KLKB1: variants seen among roughly 807,000 people sequenced by gnomAD.
The protein encoded by KLKB1 is plasma kallikrein.
KLKB1 carries 58 observed loss-of-function variants against 73.6 expected under a neutral mutation model. The ratio of observed to expected loss-of-function variants is 0.79; its 90% CI spans 0.64 to 0.98. KLKB1 has a LOEUF of 0.98. KLKB1 is among the 50% of genes least tolerant of loss of function. The pLI, the probability that KLKB1 is intolerant of heterozygous loss-of-function variation, is 0.00. For synonymous variants in KLKB1, 280 were observed against 258.1 expected (o/e 1.08, Z -0.81); for missense variants, 737 against 763.8 (o/e 0.96, Z 0.41).
At chr4:186,257,766 TG>T (rs1739088590) in intron 14 of KLKB1, among the ~76,000 whole-genome samples, 2 of 151,866 alleles carry the variant, frequency 1.3e-5, no homozygotes, top group Non-Finnish European at 2.9e-5. Flanking sequence ...TGTGTGTGTG[TG>T]TGTGTGTGTG....
chr4:186,247,739 T>C (rs1374466937), intron 6 of KLKB1, among the ~76,000 whole-genome samples: 1 of 152,228 alleles, frequency 6.6e-6, no homozygotes, highest in East Asian at 1.9e-4. Context: ...ATATAAATAA[T>C]GTGTCTGTTT....
chr4:186,232,132 C>T lies in KLKB1; in HGVS notation c.64C>T (p.Leu22=). 1 of 1,606,612 alleles carries T rather than the reference C, an allele frequency of 6.2e-7. No individual in the cohort carries two copies. The highest frequency in any genetic ancestry group is 1.1e-5 in the South Asian group (1 of 89,582). Residue 22 remains leucine (L), a synonymous_variant, in exon 3 of 15, where the codon CTG becomes TTG. Coordinates refer to ENST00000264690, the MANE Select transcript of KLKB1 (RefSeq NM_000892.5). The stretch of plus-strand genomic sequence containing the variant: ...TTTTTATGGTTCTGTCACAGGATGT[C>T]TGACTCAACTCTATGAAAACGCCTT... ...SLFATVSCGC[L]TQLYENAFFR... is the part of the protein sequence containing the mutation.
chr4:186,216,082 A>T (rs1185387943), intron 2 of KLKB1, among the ~76,000 whole-genome samples: 1 of 152,206 alleles, frequency 6.6e-6, no homozygotes, highest in Non-Finnish European at 1.5e-5. Flanking sequence ...AATTCATCCA[A>T]CAATCATTTT....
chr4:186,250,584 A>C (rs929668705), intron 7 of KLKB1, among the ~76,000 whole-genome samples, 182 bp downstream of exon 7: 5 of 152,242 alleles, frequency 3.3e-5, no homozygotes, highest in African/African-American at 1.2e-4. Flanking sequence ...AGAGATTAGC[A>C]GACTTCTCTG....
chr4:186,245,222 G>A (rs1424163268), intron 6 of KLKB1, among the ~76,000 whole-genome samples: 1 of 152,214 alleles, frequency 6.6e-6, no homozygotes, highest in Admixed American at 6.5e-5. Flanking sequence ...ATGGAGGCAA[G>A]GGAAACAGGC....
At position 186,258,413 on chromosome 4, in the gene KLKB1, C is replaced by G. The variant is rs930468067; in HGVS notation, c.*201C>G. 1.6e-6 allele frequency: 1 copy of G among 632,288 alleles called. No individual in the cohort carries two copies. The highest frequency in any genetic ancestry group is 2.4e-5 in the Admixed American group (1 of 42,238). 39.2% of individuals were successfully genotyped at this position (632,288 alleles called of 1,614,324 possible). A position where few individuals can be genotyped will look rare whatever the true frequency, so the allele number is the denominator to read the frequency against. On this transcript the variant is annotated 3_prime_UTR_variant, in exon 15 of 15. Coordinates refer to ENST00000264690, the MANE Select transcript of KLKB1 (RefSeq NM_000892.5). ...ACGCCGTAACCAGGGGCTGACAATG[C>G]GAGGTCGCAACTGAGATCTCCATGA...
At position 186,236,893 on chromosome 4, in the gene KLKB1, C is replaced by G; in HGVS notation, c.441C>G (p.Cys147Trp). The G allele has an allele frequency of 6.2e-7, 1 of 1,613,960 alleles. No homozygotes were observed. Residue 147 changes from cysteine (C) to tryptophan (W), a missense_variant, in exon 5 of 15, where the codon TGC becomes TGG. Transcript: ENST00000264690. ...AAAGGTGCACCAGTAACATTCGCTGCCAGTTTTTTTCATATGCCACGCAAA... is the reference window on the plus strand; with the variant it reads ...AAAGGTGCACCAGTAACATTCGCTGGCAGTTTTTTTCATATGCCACGCAAA... ...CQKRCTSNIRCQFFSYATQTF... is the reference protein window; with the variant it reads ...CQKRCTSNIRWQFFSYATQTF...
At position 186,236,925 on chromosome 4, in the gene KLKB1, A is replaced by G. The variant is rs762914256; in HGVS notation, c.473A>G (p.His158Arg). The G allele has an allele frequency of 1.2e-6, 2 of 1,614,018 alleles. No individual in the cohort carries two copies. Among genetic ancestry groups the G allele is most frequent in the East Asian group, 4.5e-5 (2 of 44,888 alleles). ...QFFSYATQTF[H>R]KAEYRNNCLL... ...TTTTCATATGCCACGCAAACATTTCACAAGGCAGAGTACCGGTGAGTACAA... is the reference window on the plus strand; with the variant it reads ...TTTTCATATGCCACGCAAACATTTCGCAAGGCAGAGTACCGGTGAGTACAA... The change falls in exon 5 of 15, where the codon CAC becomes CGC. Residue 158 changes from histidine to arginine, a missense_variant. By Grantham distance (29) the His-to-Arg change is conservative (BLOSUM62 0). Coordinates refer to ENST00000264690, the MANE Select transcript of KLKB1 (RefSeq NM_000892.5).
At position 186,258,459 on chromosome 4, in the gene KLKB1, T is replaced by C; in HGVS notation, c.*247T>C. On this transcript the variant is annotated 3_prime_UTR_variant, in exon 15 of 15. Transcript: ENST00000264690. ...CATGACTGTGTGTTGTGAAATAAAA[T>C]GGTGAAAGATCACGATTAGCAAGTG... 1 of 553,996 alleles carries C rather than the reference T, an allele frequency of 1.8e-6. No homozygotes were observed. The highest frequency in any genetic ancestry group is 3.1e-5 in the Admixed American group (1 of 32,666). 34.3% of individuals were successfully genotyped at this position (553,996 alleles called of 1,614,324 possible).
chr4:186,246,397 G>A (rs1738353013), intron 6 of KLKB1, among the ~76,000 whole-genome samples: 2 of 152,118 alleles, frequency 1.3e-5, no homozygotes, highest in African/African-American at 4.8e-5. Context: ...ACTAGGGAGG[G>A]ACCAATGTGT....
intron 6 of KLKB1, among the ~76,000 whole-genome samples, chr4:186,245,710 T>A (rs1485151754): frequency 6.6e-6 from 1 of 152,074 alleles, no homozygotes; most frequent in East Asian, 1.9e-4. Context: ...AGAAATACAT[T>A]GCTACTTGGC....
chr4:186,256,080 G>T lies in KLKB1; in HGVS notation c.1578G>T (p.Lys526Asn), dbSNP rs748884850. The change falls in exon 13 of 15, where the codon AAG becomes AAT. Residue 526 changes from lysine to asparagine, a missense_variant. Coordinates refer to ENST00000264690, the MANE Select transcript of KLKB1 (RefSeq NM_000892.5). ...GGGTAACCGGATGGGGCTTCTCGAA[G>T]GAGAAAGGTAAGCATGACGCTTTAA... is the stretch of plus-strand genomic sequence containing the variant. Reference protein sequence around the residue: ...NCWVTGWGFSKEKGEIQNILQ... With the variant: ...NCWVTGWGFSNEKGEIQNILQ... The T allele has an allele frequency of 1.9e-6, 3 of 1,600,680 alleles. No homozygotes were observed. Among genetic ancestry groups the T allele is most frequent in the Non-Finnish European group, 1.7e-6 (2 of 1,167,884 alleles).
Position 186,258,275 on chromosome 4 carries a change from G to T in KLKB1, c.*63G>T. 1 of 1,407,612 alleles carries T rather than the reference G, an allele frequency of 7.1e-7. No individual in the cohort carries two copies. Among genetic ancestry groups the T allele is most frequent in the Middle Eastern group, 2.3e-4 (1 of 4,350 alleles). 87.2% of individuals were successfully genotyped at this position (1,407,612 alleles called of 1,614,324 possible). On this transcript the variant is annotated 3_prime_UTR_variant, in exon 15 of 15. Coordinates refer to ENST00000264690, the MANE Select transcript of KLKB1 (RefSeq NM_000892.5). Reference sequence around the variant, plus strand: ...GTTCAAGTCAAATTCTGAGCCTGGGGGGTCCTCATCTGCAAAGCATGGAGA... The same window carrying T: ...GTTCAAGTCAAATTCTGAGCCTGGGTGGTCCTCATCTGCAAAGCATGGAGA...
intron 2 of KLKB1, among the ~76,000 whole-genome samples, chr4:186,230,662 G>T (rs1235399128): frequency 6.6e-6 from 1 of 152,106 alleles, no homozygotes; most frequent in East Asian, 1.9e-4. Context: ...CAACAAAATT[G>T]GTGTCTTTCT....
At chr4:186,228,044 A>C in intron 1 of KLKB1, 151 bp from the exon 2 acceptor site, 1 of 601,174 alleles carries the variant, frequency 1.7e-6, no homozygotes, top group Non-Finnish European at 3.0e-6. Flanking sequence ...ACACAAATGT[A>C]CCAAAAAAAA....
intron 2 of KLKB1, among the ~76,000 whole-genome samples, chr4:186,216,945 T>C (rs1736918733): frequency 6.6e-6 from 1 of 152,228 alleles, no homozygotes; most frequent in South Asian, 2.1e-4. Context: ...CTTAACCCCA[T>C]CTGCAGAATT....
At position 186,251,909 on chromosome 4, in the gene KLKB1, T is replaced by C. The variant is rs1473720482; in HGVS notation, c.1144+48T>C. On this transcript the variant is annotated intron_variant, in intron 10 of 14. Transcript: ENST00000264690. ...GGACCTGTCAGGGATGTCTGTCATG[T>C]TGATAGTTTGCTTAGTCTTAAGGAA... The C allele has an allele frequency of 1.9e-6, 3 of 1,600,128 alleles. No individual in the cohort carries two copies. In the South Asian group the frequency reaches 3.3e-5, roughly 18 times the overall value.
At chr4:186,232,036 C>A in intron 2 of KLKB1, 91 bp from the exon 3 acceptor site, 1 of 994,354 alleles carries the variant, frequency 1.0e-6, no homozygotes, top group South Asian at 1.7e-5. Context: ...TTTGAGTAGT[C>A]AGTCAGTGGG....
At chr4:186,228,073 A>G (rs939722935) in intron 1 of KLKB1, 122 bp from the exon 2 acceptor site, 2 of 686,292 alleles carry the variant, frequency 2.9e-6, no homozygotes. Context: ...TTTCTATACC[A>G]GTAATTGTGT....
Sources: allele counts gnomAD v4.1 joint callset (sites outside exome capture counted in the v4.1 genomes callset), GRCh38; gene constraint gnomAD v4.1.1; transcripts MANE v1.5; gene names NCBI Gene and HGNC (gene_info 2026-07-23, HGNC 2026-07-21).